Variants in CCDC30 observed in about 807,000 individuals in gnomAD.
CCDC30 encodes the protein coiled-coil domain containing 30.
In CCDC30, 70 loss-of-function variants were observed where a neutral mutation model predicts 100.2. The observed-to-expected ratio is 0.70, with a 90% CI of 0.58 to 0.85. The LOEUF is 0.85. CCDC30 is among the 40% of genes least tolerant of loss of function. The pLI, the probability that CCDC30 is intolerant of heterozygous loss-of-function variation, is 0.00. For synonymous variants in CCDC30, 233 were observed against 269.5 expected (o/e 0.86, Z 1.33); for missense variants, 652 against 771.2 (o/e 0.85, Z 1.83).
intron 4 of CCDC30, among the ~76,000 whole-genome samples, chr1:42,496,122 AGTGTGTGTGTGT>A (rs56267063): frequency 3.5e-4 from 51 of 147,414 alleles, no homozygotes; most frequent in South Asian, 3.3e-3. Flanking sequence ...TTATTTGTGG[AGTGTGTGTGTGT>A]GTGTGTGTGT....
At chr1:42,630,279 T>C (rs1045374302) in intron 11 of CCDC30, among the ~76,000 whole-genome samples, 5 of 151,376 alleles carry the variant, frequency 3.3e-5, no homozygotes, top group Non-Finnish European at 5.9e-5. Flanking sequence ...CTGGCTAGAT[T>C]TGCCCTTTTG....
At position 42,553,775 on chromosome 1, in the gene CCDC30, G is replaced by A. The variant is rs116529557; in HGVS notation, c.457-12521G>A. Among the ~76,000 whole-genome samples, 1,199 of 151,556 alleles carry A rather than the reference G, an allele frequency of 7.9e-3. 21 individuals are homozygous for A. Among genetic ancestry groups the A allele is most frequent in the African/African-American group, 0.027 (1,121 of 41,274 alleles). ...AAAAGGAAAGGGATTTATAAATGAT[G>A]GAAAATTTCATTGTTGTTTTATAAA... On this transcript the variant is annotated intron_variant, in intron 6 of 16. Coordinates refer to ENST00000668663, the Ensembl canonical transcript of CCDC30.
intron 6 of CCDC30, among the ~76,000 whole-genome samples, chr1:42,530,084 A>C (rs1325346830): frequency 6.6e-6 from 1 of 152,172 alleles, no homozygotes; most frequent in Non-Finnish European, 1.5e-5. Context: ...CCTGCTCCTG[A>C]CATGCAACCA....
At chr1:42,547,481 G>A (rs1343048200) in intron 6 of CCDC30, among the ~76,000 whole-genome samples, 1 of 152,212 alleles carries the variant, frequency 6.6e-6, no homozygotes, top group African/African-American at 2.4e-5. Flanking sequence ...AGTCCACCCA[G>A]GTGATTTTGG....
chr1:42,586,842 A>C (rs968036841), intron 9 of CCDC30, among the ~76,000 whole-genome samples: 2 of 152,234 alleles, frequency 1.3e-5, no homozygotes, highest in Non-Finnish European at 2.9e-5. Context: ...AAAGAGGCTC[A>C]GGCTGCAGAG....
chr1:42,482,943 A>G, intron 3 of CCDC30, 127 bp downstream of exon 3: 1 of 630,060 alleles, frequency 1.6e-6, no homozygotes, highest in South Asian at 8.6e-5. Flanking sequence ...CATAAAAGTG[A>G]TGAACAGCCT....
At chr1:42,628,331 T>A (rs1646970036) in intron 11 of CCDC30, among the ~76,000 whole-genome samples, 1 of 152,176 alleles carries the variant, frequency 6.6e-6, no homozygotes, top group Admixed American at 6.5e-5. Context: ...TTTTACAGGC[T>A]CATAGGCAGA....
At chr1:42,613,517 G>A (rs1275527478) in intron 11 of CCDC30, among the ~76,000 whole-genome samples, 1 of 152,156 alleles carries the variant, frequency 6.6e-6, no homozygotes, top group Non-Finnish European at 1.5e-5. Flanking sequence ...GCCTCCCAAA[G>A]TGCTGGGATT....
At chr1:42,456,517 T>C in the CCDC30 span, 2 of 1,434,472 alleles carry the variant, frequency 1.4e-6, no homozygotes, top group Non-Finnish European at 1.8e-6. Flanking sequence ...AGAAGGGGCG[T>C]GGCGCGGCGG....
intron 11 of CCDC30, among the ~76,000 whole-genome samples, chr1:42,627,693 G>T (rs1375385034): frequency 3.3e-5 from 5 of 152,198 alleles, no homozygotes; most frequent in Non-Finnish European, 7.3e-5. Context: ...TAGCACTTGG[G>T]CTGTGGCTTC....
chr1:42,555,904 C>T (rs577943130), intron 6 of CCDC30, among the ~76,000 whole-genome samples: 21 of 152,018 alleles, frequency 1.4e-4, no homozygotes, highest in Non-Finnish European at 2.8e-4. Flanking sequence ...TGGCCAGGCT[C>T]GTCTCCAGCT....
intron 5 of CCDC30, among the ~76,000 whole-genome samples, 199 bp from the exon 6 acceptor site, chr1:42,498,619 T>C (rs1474936645): frequency 6.6e-6 from 1 of 152,168 alleles, no homozygotes; most frequent in Admixed American, 6.5e-5. Context: ...GTAGGGTACA[T>C]TCCAAGCAGT....
At chr1:42,644,197 C>A (rs1332964672) in intron 13 of CCDC30, among the ~76,000 whole-genome samples, 1 of 152,082 alleles carries the variant, frequency 6.6e-6, no homozygotes, top group African/African-American at 2.4e-5. Flanking sequence ...ACAAAGTCCA[C>A]AATAGGCTGT....
In CCDC30 at chr1:42,629,969, A is replaced by ATT. The variant is rs4019432; in HGVS notation, c.1278-7246_1278-7245dup. On this transcript the variant is annotated intron_variant, in intron 11 of 16. Coordinates refer to ENST00000668663, the Ensembl canonical transcript of CCDC30. Reference sequence around the variant, plus strand: ...CAATAACTCTTAGATATGTCCCCCTATTTTTTTTTTTTTTTTTTTTTTTGA... The same window carrying ATT: ...CAATAACTCTTAGATATGTCCCCCTATTTTTTTTTTTTTTTTTTTTTTTTTGA... Among the ~76,000 whole-genome samples, 458 of 90,064 alleles carry ATT rather than the reference A, an allele frequency of 5.1e-3. 1 individual carries two copies. Among genetic ancestry groups the ATT allele is most frequent in the Middle Eastern group, 9.6e-3 (1 of 104 alleles). The allele number at this position is 90,064 out of a possible 152,430, so 59.1% of individuals were successfully genotyped here.
chr1:42,508,105 T>C (rs948762785), intron 6 of CCDC30, among the ~76,000 whole-genome samples: 3 of 152,204 alleles, frequency 2.0e-5, no homozygotes, highest in Non-Finnish European at 4.4e-5. Context: ...CTTAATTGGA[T>C]TACTGGCTTC....
At chr1:42,500,512 C>G (rs749541394) in intron 6 of CCDC30, among the ~76,000 whole-genome samples, 48 of 151,898 alleles carry the variant, frequency 3.2e-4, no homozygotes, top group Non-Finnish European at 5.7e-4. Flanking sequence ...CTCCCGGGTT[C>G]ACACCATTCT....
At chr1:42,523,087 C>G (rs1283443831) in intron 6 of CCDC30, among the ~76,000 whole-genome samples, 1 of 152,170 alleles carries the variant, frequency 6.6e-6, no homozygotes, top group Non-Finnish European at 1.5e-5. Flanking sequence ...ACCTCAGCCT[C>G]CCAAAGTGCT....
intron 4 of CCDC30, chr1:42,491,883 G>A (rs1569791616): frequency 6.9e-6 from 3 of 433,596 alleles, no homozygotes; most frequent in African/African-American, 2.1e-5. Flanking sequence ...AGAGACGCTA[G>A]TCACCAGGAC....
intron 6 of CCDC30, among the ~76,000 whole-genome samples, chr1:42,546,399 A>AATAT (rs66804938): frequency 0.01 from 122 of 11,932 alleles, 2 homozygotes; most frequent in African/African-American, 0.025. Flanking sequence ...AAAAAAAAAA[A>AATAT]ATATATATAT....
Sources: gnomAD v4.1 joint callset for allele counts (sites outside exome capture counted in the v4.1 genomes callset) on GRCh38, gnomAD v4.1.1 for gene constraint, MANE v1.5 for transcripts, NCBI Gene and HGNC (gene_info 2026-07-23, HGNC 2026-07-21) for gene names.